Variants in BMPER observed in about 807,000 individuals in gnomAD.
BMPER encodes BMP binding endothelial regulator.
BMPER carries 45 observed loss-of-function variants against 87.3 expected under a neutral mutation model. The ratio of observed to expected loss-of-function variants is 0.52; its 90% CI spans 0.41 to 0.66. The LOEUF is 0.66. Ranked by LOEUF, BMPER falls within the 30% of genes least tolerant of loss-of-function variation. The pLI is 0.00. For synonymous variants in BMPER, 326 were observed against 316.2 expected (o/e 1.03, Z -0.33); for missense variants, 784 against 867.5 (o/e 0.90, Z 1.21).
chr7:34,144,446 C>G (rs1277971845), intron 14 of BMPER, among the ~76,000 whole-genome samples: 1 of 149,578 alleles, frequency 6.7e-6, no homozygotes, highest in Non-Finnish European at 1.5e-5. Context: ...ACCCTGGATA[C>G]TAGATAGAGA....
At chr7:34,142,367 TTA>T (rs1175306023) in intron 13 of BMPER, among the ~76,000 whole-genome samples, 1 of 152,236 alleles carries the variant, frequency 6.6e-6, no homozygotes, top group African/African-American at 2.4e-5. Context: ...AGAAACTGTA[TTA>T]TGCCTTGTTT....
chr7:33,943,521 T>C (rs1301063597), intron 3 of BMPER, among the ~76,000 whole-genome samples: 2 of 152,192 alleles, frequency 1.3e-5, no homozygotes, highest in Non-Finnish European at 2.9e-5. Flanking sequence ...TTGTCATTCC[T>C]GTCAGGCCCA....
At chr7:34,066,019 T>C (rs1212677888) in intron 11 of BMPER, among the ~76,000 whole-genome samples, 1 of 152,200 alleles carries the variant, frequency 6.6e-6, no homozygotes, top group African/African-American at 2.4e-5. Flanking sequence ...TTTCCAGCAG[T>C]AGTGGCATTA....
chr7:33,936,344 T>A (rs1473782478), intron 2 of BMPER, among the ~76,000 whole-genome samples: 1 of 151,994 alleles, frequency 6.6e-6, no homozygotes, highest in African/African-American at 2.4e-5. Flanking sequence ...GTGCACACAT[T>A]TATATCTTCA....
intron 2 of BMPER, among the ~76,000 whole-genome samples, chr7:33,934,473 A>G (rs1368477899): frequency 6.7e-6 from 1 of 149,730 alleles, no homozygotes; most frequent in African/African-American, 2.5e-5. Context: ...GAAAAAACCC[A>G]CTAAACCTAC....
intron 6 of BMPER, among the ~76,000 whole-genome samples, chr7:33,979,732 T>C (rs533959077): frequency 1.3e-5 from 2 of 152,314 alleles, no homozygotes; most frequent in African/African-American, 4.8e-5. Context: ...GGGGGTATTA[T>C]CCAGCTCCAA....
intron 3 of BMPER, 188 bp downstream of exon 3, chr7:33,937,576 A>G: frequency 1.6e-6 from 1 of 614,800 alleles, no homozygotes. Context: ...CTGGGGCTGG[A>G]AGGAAGGGGG....
chr7:34,073,428 A>G (rs1396119785), intron 11 of BMPER, among the ~76,000 whole-genome samples: 2 of 152,234 alleles, frequency 1.3e-5, no homozygotes, highest in African/African-American at 4.8e-5. Flanking sequence ...TTGTATCTAA[A>G]TACATCTAAA....
intron 8 of BMPER, among the ~76,000 whole-genome samples, chr7:34,052,656 A>G (rs1033537605): frequency 1.3e-5 from 2 of 152,218 alleles, no homozygotes; most frequent in Non-Finnish European, 2.9e-5. Flanking sequence ...CAAGTTTAGA[A>G]TACACTTTGG....
At chr7:34,011,337 G>A (rs1337294357) in intron 6 of BMPER, among the ~76,000 whole-genome samples, 1 of 151,752 alleles carries the variant, frequency 6.6e-6, no homozygotes, top group East Asian at 1.9e-4. Context: ...GGCATACTTT[G>A]AGTAGCAAGG....
intron 13 of BMPER, among the ~76,000 whole-genome samples, chr7:34,130,335 G>T (rs145106619): frequency 3.9e-5 from 6 of 152,150 alleles, no homozygotes; most frequent in South Asian, 2.1e-4. Flanking sequence ...CAGGAGGATT[G>T]TTGGCCACAC....
intron 6 of BMPER, among the ~76,000 whole-genome samples, chr7:33,979,915 C>G (rs915361875): frequency 8.5e-5 from 13 of 152,206 alleles, no homozygotes; most frequent in African/African-American, 3.1e-4. Flanking sequence ...GGAAGACACT[C>G]GTCTTATGGA....
intron 3 of BMPER, among the ~76,000 whole-genome samples, chr7:33,962,488 C>T (rs1179408270): frequency 2.6e-5 from 4 of 152,120 alleles, no homozygotes. Flanking sequence ...TCTTGGTGTG[C>T]ATTGTAGGAT....
chr7:34,122,073 T>A (rs1052156819), intron 13 of BMPER, among the ~76,000 whole-genome samples: 1 of 142,968 alleles, frequency 7.0e-6, no homozygotes, highest in African/African-American at 2.6e-5. Context: ...CAGTGAGGCG[T>A]GATTATGCCA....
chr7:34,066,416 T>C (rs1039723984), intron 11 of BMPER, among the ~76,000 whole-genome samples: 1 of 152,218 alleles, frequency 6.6e-6, no homozygotes, highest in Non-Finnish European at 1.5e-5. Flanking sequence ...TTTCTCCCTT[T>C]CCAACTGAAA....
At chr7:33,952,242 T>C (rs1785044599) in intron 3 of BMPER, among the ~76,000 whole-genome samples, 1 of 152,236 alleles carries the variant, frequency 6.6e-6, no homozygotes, top group Non-Finnish European at 1.5e-5. Flanking sequence ...TTTCTGCAGC[T>C]GCTCTTAAAA....
intron 6 of BMPER, among the ~76,000 whole-genome samples, chr7:34,004,673 G>C (rs75198715): frequency 0.016 from 2,462 of 152,200 alleles, 72 homozygotes; most frequent in African/African-American, 0.056. Context: ...ACTCTGCTCG[G>C]TTAGTTCAAT....
intron 6 of BMPER, among the ~76,000 whole-genome samples, chr7:33,999,709 A>G (rs375622015): frequency 6.6e-6 from 1 of 152,212 alleles, no homozygotes; most frequent in African/African-American, 2.4e-5. Context: ...TCCTAGTTGA[A>G]TGAGTCCAAA....
intron 11 of BMPER, among the ~76,000 whole-genome samples, chr7:34,065,247 T>TCTCTCTCCCC (rs1349826938): frequency 6.9e-6 from 1 of 144,430 alleles, no homozygotes; most frequent in African/African-American, 2.6e-5. Context: ...TCTCTCTCTC[T>TCTCTCTCCCC]CCCTCTCTCT....
Sources: gnomAD v4.1 joint callset for allele counts (sites outside exome capture counted in the v4.1 genomes callset) on GRCh38, gnomAD v4.1.1 for gene constraint, MANE v1.5 for transcripts, NCBI Gene and HGNC (gene_info 2026-07-23, HGNC 2026-07-21) for gene names.